PSMD14: variants seen among roughly 807,000 people sequenced by gnomAD.
PSMD14 encodes the protein ubiquitin C-terminal hydrolase PSMD14.
In PSMD14, 7 loss-of-function variants were observed where a neutral mutation model predicts 41.2. The ratio of observed to expected loss-of-function variants is 0.17; its 90% CI spans 0.10 to 0.32. The LOEUF (loss-of-function observed/expected upper bound fraction) is 0.32. Ranked by LOEUF, PSMD14 falls within the 10% of genes least tolerant of loss-of-function variation. The pLI, the probability that PSMD14 is intolerant of heterozygous loss-of-function variation, is 1.00. For missense variants in PSMD14, 139 were observed against 375.6 expected (o/e 0.37, Z 5.21); for synonymous variants, 114 against 122.3 (o/e 0.93, Z 0.45).
intron 3 of PSMD14, among the ~76,000 whole-genome samples, chr2:161,338,365 A>G (rs978712439): frequency 4.0e-5 from 6 of 150,796 alleles, no homozygotes; most frequent in African/African-American, 1.2e-4. Flanking sequence ...TTTTGGAAAG[A>G]AAAACTTCTC....
chr2:161,391,223 A>G, intron 9 of PSMD14, 45 bp downstream of exon 9: 1 of 1,459,938 alleles, frequency 6.8e-7, no homozygotes, highest in Non-Finnish European at 9.1e-7. Flanking sequence ...AATCTTTTTC[A>G]AACCATTTAA....
intron 10 of PSMD14, among the ~76,000 whole-genome samples, chr2:161,403,494 G>T (rs1036917100): frequency 6.6e-6 from 1 of 152,050 alleles, no homozygotes; most frequent in Non-Finnish European, 1.5e-5. Flanking sequence ...TGATTGAATC[G>T]TACACTTTAA....
intron 8 of PSMD14, among the ~76,000 whole-genome samples, chr2:161,387,442 G>A (rs372731375): frequency 6.6e-5 from 10 of 151,958 alleles, no homozygotes; most frequent in African/African-American, 1.7e-4. Flanking sequence ...TCCTAAACCA[G>A]CTTTCAAGTA....
At chr2:161,348,456 TA>T (rs2105245893) in intron 3 of PSMD14, among the ~76,000 whole-genome samples, 1 of 152,352 alleles carries the variant, frequency 6.6e-6, no homozygotes, top group East Asian at 1.9e-4. Flanking sequence ...CCCTAGTTTA[TA>T]ATTTCAGGAA....
intron 7 of PSMD14, among the ~76,000 whole-genome samples, chr2:161,375,535 C>T (rs1395758250): frequency 6.6e-6 from 1 of 151,992 alleles, no homozygotes. Flanking sequence ...GGCAGGACAT[C>T]ACTGAGAAAA....
chr2:161,371,420 A>G (rs1683432535), intron 7 of PSMD14, 98 bp downstream of exon 7: 2 of 1,264,594 alleles, frequency 1.6e-6, no homozygotes. Flanking sequence ...ATTCTTAATT[A>G]CACAGAAAGC....
intron 3 of PSMD14, among the ~76,000 whole-genome samples, chr2:161,331,075 C>G (rs1484872066): frequency 6.6e-6 from 1 of 152,162 alleles, no homozygotes; most frequent in Non-Finnish European, 1.5e-5. Context: ...ACATATTTCA[C>G]TACCTAGTAG....
chr2:161,393,970 A>AT (rs1348231694), intron 9 of PSMD14, among the ~76,000 whole-genome samples: 2 of 108,850 alleles, frequency 1.8e-5, no homozygotes, highest in Non-Finnish European at 3.9e-5. Flanking sequence ...CACACTAGAT[A>AT]ATTTTTTTTT....
intron 3 of PSMD14, among the ~76,000 whole-genome samples, chr2:161,327,585 C>T (rs977282813): frequency 6.6e-6 from 1 of 151,930 alleles, no homozygotes; most frequent in Non-Finnish European, 1.5e-5. Context: ...TAGGAAAGCA[C>T]AACTCAAAAG....
At chr2:161,339,496 ATTTTTTT>A (rs202216505) in intron 3 of PSMD14, among the ~76,000 whole-genome samples, 2 of 105,586 alleles carry the variant, frequency 1.9e-5, no homozygotes, top group South Asian at 3.1e-4. Context: ...TTGTTAATGA[ATTTTTTT>A]TTTTTTTTTT....
At chr2:161,319,128 A>G (rs976998910) in intron 3 of PSMD14, 5 of 320,806 alleles carry the variant, frequency 1.6e-5, no homozygotes, top group Non-Finnish European at 2.3e-5. Flanking sequence ...GATATGTAGG[A>G]TTATCAAAGT....
chr2:161,396,424 AC>A (rs1326346927), intron 10 of PSMD14, among the ~76,000 whole-genome samples: 2 of 152,190 alleles, frequency 1.3e-5, no homozygotes, highest in Admixed American at 1.3e-4. Flanking sequence ...GTATAGATAT[AC>A]ATACAATGGA....
chr2:161,368,432 G>T (rs1422353113), intron 5 of PSMD14, among the ~76,000 whole-genome samples: 2 of 151,952 alleles, frequency 1.3e-5, no homozygotes, highest in African/African-American at 2.4e-5. Context: ...CCCAGGCATG[G>T]TATTTTGTTT....
chr2:161,347,960 A>G (rs957806004), intron 3 of PSMD14, among the ~76,000 whole-genome samples: 1 of 152,232 alleles, frequency 6.6e-6, no homozygotes, highest in Admixed American at 6.5e-5. Context: ...TATAATTGAC[A>G]AGGTATTAGT....
chr2:161,321,507 C>G (rs1387471191), intron 3 of PSMD14, among the ~76,000 whole-genome samples: 2 of 152,160 alleles, frequency 1.3e-5, no homozygotes, highest in Non-Finnish European at 2.9e-5. Context: ...CCAATTGACA[C>G]AAACCTGGCG....
At chr2:161,310,485 A>G (rs2105226638) in intron 1 of PSMD14, among the ~76,000 whole-genome samples, 1 of 152,172 alleles carries the variant, frequency 6.6e-6, no homozygotes, top group East Asian at 1.9e-4. Context: ...TGTTTGTTGC[A>G]GTCATTTTGA....
At chr2:161,327,384 AT>A (rs1287764808) in intron 3 of PSMD14, among the ~76,000 whole-genome samples, 1 of 152,098 alleles carries the variant, frequency 6.6e-6, no homozygotes, top group East Asian at 1.9e-4. Context: ...AATTTTATAT[AT>A]TTACTACAAA....
At chr2:161,383,400 C>T (rs941099487) in intron 7 of PSMD14, 1 of 151,928 alleles carries the variant, frequency 6.6e-6, no homozygotes, top group African/African-American at 2.4e-5. Flanking sequence ...GAAAGCATCT[C>T]ATTTTATTAA....
At chr2:161,411,134 T>C (rs1488608740) in intron 11 of PSMD14, among the ~76,000 whole-genome samples, 168 bp from the exon 12 acceptor site, 1 of 152,164 alleles carries the variant, frequency 6.6e-6, no homozygotes, top group African/African-American at 2.4e-5. Context: ...AACTTTTTGA[T>C]TTAGAAATTC....
Sources: gnomAD v4.1 joint callset for allele counts (sites outside exome capture counted in the v4.1 genomes callset) on GRCh38, gnomAD v4.1.1 for gene constraint, MANE v1.5 for transcripts, NCBI Gene and HGNC (gene_info 2026-07-23, HGNC 2026-07-21) for gene names.